NUP205: variants seen among roughly 807,000 people sequenced by gnomAD.
NUP205 encodes nucleoporin 205, also known as nuclear pore complex protein Nup205.
A neutral mutation model predicts 253.8 loss-of-function variants in NUP205; 76 were observed. That is an observed-to-expected ratio of 0.30 (90% confidence interval 0.25 to 0.36). The LOEUF (loss-of-function observed/expected upper bound fraction) is 0.36, where lower values mean the gene tolerates loss of function less well. Ranked by LOEUF, NUP205 falls within the 10% of genes least tolerant of loss-of-function variation. NUP205 has a pLI of 1.00. For synonymous variants in NUP205, 832 were observed against 850.1 expected (o/e 0.98, Z 0.37); for missense variants, 2,162 against 2,425.5 (o/e 0.89, Z 2.28).
At chr7:135,564,215 G>C (rs1805679090) in intron 1 of NUP205, among the ~76,000 whole-genome samples, 1 of 150,450 alleles carries the variant, frequency 6.6e-6, no homozygotes, top group African/African-American at 2.5e-5. Context: ...GAGTAGCTGA[G>C]ACTATAGGCA....
chr7:135,581,472 A>T (rs1426596738), intron 7 of NUP205, among the ~76,000 whole-genome samples: 2 of 151,626 alleles, frequency 1.3e-5, no homozygotes, highest in African/African-American at 4.8e-5. Context: ...ACTTGAGCCC[A>T]GGAGAGAGGC....
At chr7:135,587,813 A>C (rs1338005035) in intron 9 of NUP205, 42 bp from the exon 10 acceptor site, 1 of 1,557,178 alleles carries the variant, frequency 6.4e-7, no homozygotes, top group Non-Finnish European at 8.7e-7. Flanking sequence ...GTAATTTTTC[A>C]GTCATAGACA....
In NUP205 at chr7:135,558,147, G is replaced by T. The variant is rs564123248; in HGVS notation, c.28+175G>T. 1.6e-4 allele frequency: 106 copies of T among 655,058 alleles called. No homozygotes were observed. In the East Asian group the frequency reaches 2.6e-3, roughly 16 times the overall value. The allele number at this position is 655,058 out of a possible 1,614,324, so 40.6% of individuals were successfully genotyped here. ...CCCAGTTTGAATGGCGCGCGTCGGT[G>T]CTGCGGCTCCAGCCCTCGAGTTGGG... On this transcript the variant is annotated intron_variant, in intron 1 of 42. Coordinates refer to ENST00000285968, the MANE Select transcript of NUP205 (RefSeq NM_015135.3).
In NUP205 at chr7:135,629,985, C is replaced by T. The variant is rs531224813; in HGVS notation, c.4933-359C>T. On this transcript the variant is annotated intron_variant, in intron 34 of 42. Coordinates refer to ENST00000285968, the MANE Select transcript of NUP205 (RefSeq NM_015135.3). The stretch of plus-strand genomic sequence containing the variant: ...TTTATATTACATTCTTACTCTAGTT[C>T]ATTTGGCCAAACAATAAAGAAAATA... Among the ~76,000 whole-genome samples the T allele has an allele frequency of 7.9e-5, 12 of 152,280 alleles. No homozygotes were observed. In the East Asian group the frequency reaches 2.3e-3, roughly 29 times the overall value.
At chr7:135,561,999 T>G (rs11767012) in intron 1 of NUP205, among the ~76,000 whole-genome samples, 1 of 150,542 alleles carries the variant, frequency 6.6e-6, no homozygotes, top group Non-Finnish European at 1.5e-5. Flanking sequence ...CTCACTGCAG[T>G]CTCCACCTCC....
At position 135,600,939 on chromosome 7, in the gene NUP205, G is replaced by C; in HGVS notation, c.2344G>C (p.Asp782His). The change falls in exon 16 of 43, where the codon GAT (aspartate) becomes CAT (histidine). Residue 782 changes from aspartate (D) to histidine (H), a missense_variant. By Grantham distance (81) the Asp-to-His change is moderately conservative. Transcript: ENST00000285968. ...CAGAGATTATGAGCCTCAGCTTGAA[G>C]ATTTTGTAGACCAGTTTGTGGAACT... is the stretch of plus-strand genomic sequence containing the variant. ...LLRDYEPQLE[D>H]FVDQFVELQG... 1 of 1,610,250 alleles carries C rather than the reference G, an allele frequency of 6.2e-7. No homozygotes were observed. Among genetic ancestry groups the C allele is most frequent in the Non-Finnish European group, 8.5e-7 (1 of 1,177,182 alleles).
At position 135,597,349 on chromosome 7, in the gene NUP205, T is replaced by G. The variant is rs1331351193; in HGVS notation, c.2014-19T>G. ...ATGAATGAGGAATGCTCCTGACATC[T>G]ACTTCTTACTATTTTAAGATACTGC... On this transcript the variant is annotated intron_variant, in intron 13 of 42. Coordinates refer to ENST00000285968, the MANE Select transcript of NUP205 (RefSeq NM_015135.3). 2 of 1,592,076 alleles carry G rather than the reference T, an allele frequency of 1.3e-6. No homozygotes were observed. The highest frequency in any genetic ancestry group is 1.7e-6 in the Non-Finnish European group (2 of 1,160,486).
intron 35 of NUP205, 145 bp downstream of exon 35, chr7:135,630,615 T>C: frequency 1.7e-6 from 1 of 603,542 alleles, no homozygotes; most frequent in Non-Finnish European, 2.6e-6. Context: ...ATGTAATAAG[T>C]TTATGTTTAT....
At chr7:135,563,693 C>T (rs78010228) in intron 1 of NUP205, among the ~76,000 whole-genome samples, 3,688 of 151,736 alleles carry the variant, frequency 0.024, 87 homozygotes, top group South Asian at 0.078. Flanking sequence ...TTATAGTGTC[C>T]CTTCATTTGT....
At chr7:135,609,926 T>A (rs916404860) in intron 22 of NUP205, among the ~76,000 whole-genome samples, 2 of 152,130 alleles carry the variant, frequency 1.3e-5, no homozygotes, top group African/African-American at 2.4e-5. Context: ...CCTAGGCTAA[T>A]GGCAGGTGAA....
At chr7:135,623,884 G>A (rs1794526426) in intron 31 of NUP205, among the ~76,000 whole-genome samples, 1 of 152,114 alleles carries the variant, frequency 6.6e-6, no homozygotes, top group African/African-American at 2.4e-5. Context: ...CCGAGTTCAC[G>A]CCATTCTCCT....
intron 30 of NUP205, 109 bp from the exon 31 acceptor site, chr7:135,622,668 T>A: frequency 9.7e-7 from 1 of 1,034,194 alleles, no homozygotes; most frequent in East Asian, 2.5e-5. Flanking sequence ...ATTTTTTTGT[T>A]GCGTTTTTTT....
intron 1 of NUP205, among the ~76,000 whole-genome samples, chr7:135,563,230 C>T (rs992711082): frequency 1.3e-5 from 2 of 152,002 alleles, no homozygotes; most frequent in African/African-American, 4.8e-5. Flanking sequence ...CTCTGTAGCC[C>T]AGGCTGGAGT....
chr7:135,639,895 C>G (rs1259088167), intron 38 of NUP205, among the ~76,000 whole-genome samples: 1 of 152,144 alleles, frequency 6.6e-6, no homozygotes, highest in East Asian at 1.9e-4. Context: ...AGAATGAGTT[C>G]ATGTCCTTTG....
chr7:135,576,442 G>A lies in NUP205; in HGVS notation c.488+28G>A, dbSNP rs373130134. On this transcript the variant is annotated intron_variant, in intron 4 of 42. Transcript: ENST00000285968. ...CTTTTTACTTCTTGGGATTTCAGGG[G>A]TTAATTTGAAATTACTTGAAGTATG... 153 of 1,590,172 alleles carry A rather than the reference G, an allele frequency of 9.6e-5. 2 individuals are homozygous for A. The highest frequency in any genetic ancestry group is 1.7e-4 in the Middle Eastern group (1 of 5,992).
At chr7:135,646,514 G>A (rs1231336127) in intron 42 of NUP205, among the ~76,000 whole-genome samples, 1 of 152,118 alleles carries the variant, frequency 6.6e-6, no homozygotes, top group Non-Finnish European at 1.5e-5. Flanking sequence ...AGCTGTGATT[G>A]CACCACTGCA....
intron 13 of NUP205, among the ~76,000 whole-genome samples, chr7:135,596,134 A>G (rs548566523): frequency 1.3e-5 from 2 of 151,982 alleles, no homozygotes; most frequent in South Asian, 2.1e-4. Context: ...GGGTTTCTCC[A>G]TGTTGGTCAG....
At chr7:135,561,510 T>G (rs530272074) in intron 1 of NUP205, among the ~76,000 whole-genome samples, 2 of 152,322 alleles carry the variant, frequency 1.3e-5, no homozygotes, top group South Asian at 2.1e-4. Flanking sequence ...TCTGGTCACC[T>G]CGTCCATTCA....
intron 13 of NUP205, among the ~76,000 whole-genome samples, chr7:135,597,042 A>G (rs1353669756): frequency 1.3e-5 from 2 of 152,086 alleles, no homozygotes; most frequent in South Asian, 2.1e-4. Flanking sequence ...ACAGTCCAGT[A>G]TCTTGAACAC....
Sources: allele counts gnomAD v4.1 joint callset (sites outside exome capture counted in the v4.1 genomes callset), GRCh38; gene constraint gnomAD v4.1.1; transcripts MANE v1.5; gene names NCBI Gene and HGNC (gene_info 2026-07-23, HGNC 2026-07-21).